Variants in TRRAP observed in about 807,000 individuals in gnomAD.
TRRAP encodes the protein transformation/transcription domain-associated protein.
TRRAP carries 41 observed loss-of-function variants against 438.8 expected under a neutral mutation model. The observed-to-expected ratio is 0.09, with a 90% CI of 0.07 to 0.12. TRRAP has a LOEUF of 0.12. Ranked by LOEUF, TRRAP falls within the 10% of genes least tolerant of loss-of-function variation. The pLI, the probability that TRRAP is intolerant of heterozygous loss-of-function variation, is 1.00. For missense variants in TRRAP, 3,122 were observed against 5,055.1 expected (o/e 0.62, Z 11.60); for synonymous variants, 1,994 against 1,962.9 (o/e 1.02, Z -0.42).
In TRRAP at chr7:98,930,734, G is replaced by A. The variant is rs782174650; in HGVS notation, c.3495G>A (p.Lys1165=). Residue 1165 remains lysine, a synonymous_variant, in exon 25 of 73, where the codon AAG becomes AAA. Coordinates refer to ENST00000456197, the MANE Select transcript of TRRAP (RefSeq NM_001375524.1). ...YAKLGGVVSI[K]FLMERLPLTW... ...AGCTGGGGGGTGTGGTGTCTATTAA[G>A]TTTCTCATGGAGCGGCTGCCTCTCA... is the stretch of plus-strand genomic sequence containing the variant. 2 of 1,614,230 alleles carry A rather than the reference G, an allele frequency of 1.2e-6. No individual in the cohort carries two copies. Among genetic ancestry groups the A allele is most frequent in the Non-Finnish European group, 1.7e-6 (2 of 1,180,050 alleles).
At position 98,930,003 on chromosome 7, in the gene TRRAP, C is replaced by T. The variant is rs781853860; in HGVS notation, c.3190C>T (p.Pro1064Ser). Reference protein sequence around the residue: ...VAQQCGPFLLPCYQVGSQPST... With the variant: ...VAQQCGPFLLSCYQVGSQPST... ...TCTCCTTTTAGGCCCTTTCTTGCTG[C>T]CTTGCTACCAGGTGGGCAGCCAGCC... Residue 1064 changes from proline to serine, a missense_variant, in exon 24 of 73, where the codon CCT (proline) becomes TCT (serine). Transcript: ENST00000456197. 1.2e-6 allele frequency: 2 copies of T among 1,614,148 alleles called. No homozygotes were observed. Among genetic ancestry groups the T allele is most frequent in the Admixed American group, 1.7e-5 (1 of 60,006 alleles).
chr7:98,880,262 GTTTTTT>G (rs201053093), intron 1 of TRRAP, among the ~76,000 whole-genome samples: 2 of 132,114 alleles, frequency 1.5e-5, no homozygotes, highest in South Asian at 2.5e-4. Context: ...TGTTGTTGTT[GTTTTTT>G]TTTTTTTTTT....
At chr7:98,904,718 G>A (rs1371459019) in intron 12 of TRRAP, among the ~76,000 whole-genome samples, 1 of 152,026 alleles carries the variant, frequency 6.6e-6, no homozygotes, top group Admixed American at 6.6e-5. Flanking sequence ...TTACTAGTTG[G>A]CTTGATTTTG....
chr7:98,912,294 A>G (rs562862633), intron 18 of TRRAP, 81 bp downstream of exon 18: 1 of 1,479,378 alleles, frequency 6.8e-7, no homozygotes, highest in South Asian at 1.4e-5. Context: ...GGTGGTGTCC[A>G]GGCTGGTCAG....
chr7:98,977,073 G>C lies in TRRAP; in HGVS notation c.8382G>C (p.Glu2794Asp), dbSNP rs1307870423. 6.2e-7 allele frequency: 1 copy of C among 1,614,200 alleles called. No individual in the cohort carries two copies. Among genetic ancestry groups the C allele is most frequent in the East Asian group, 2.2e-5 (1 of 44,882 alleles). The change falls in exon 56 of 73, where the codon GAG becomes GAC. Residue 2794 changes from glutamate (E) to aspartate (D), a missense_variant. Coordinates refer to ENST00000456197, the MANE Select transcript of TRRAP (RefSeq NM_001375524.1). ...CTTACGAGCAGCACGGGTTCTTTGA[G>C]CAGGTAAACCTCAGACCACTGACGG... is the stretch of plus-strand genomic sequence containing the variant. Reference protein sequence around the residue: ...AIAYEQHGFFEQAQESYEKAM... With the variant: ...AIAYEQHGFFDQAQESYEKAM...
rs1795690649 is a variant in TRRAP, at chr7:98,886,293, A to G, written c.151-4042A>G. 2.0e-5 allele frequency among the ~76,000 whole-genome samples: 3 copies of G among 151,938 alleles called. No individual in the cohort carries two copies. In the South Asian group the frequency reaches 6.2e-4, roughly 32 times the overall value. On this transcript the variant is annotated intron_variant, in intron 3 of 72. Transcript: ENST00000456197. The stretch of plus-strand genomic sequence containing the variant: ...CAACAATATATCTATATCTATATCT[A>G]TCTATCATAGATATAGATATCTATA...
At position 99,008,579 on chromosome 7, in the gene TRRAP, C is replaced by A; in HGVS notation, c.10938+18C>A. 3 of 1,610,986 alleles carry A rather than the reference C, an allele frequency of 1.9e-6. No individual in the cohort carries two copies. Among genetic ancestry groups the A allele is most frequent in the Non-Finnish European group, 1.7e-6 (2 of 1,178,940 alleles). On this transcript the variant is annotated intron_variant, in intron 70 of 72. Transcript: ENST00000456197. ...GCCACCAGGTAGCAGTGGGGCCGGG[C>A]CGGGGGCCGAGCTGCCGCCTGCAGC...
At chr7:98,947,542 G>A (rs1487341822) in intron 33 of TRRAP, among the ~76,000 whole-genome samples, 3 of 151,236 alleles carry the variant, frequency 2.0e-5, no homozygotes, top group African/African-American at 4.9e-5. Context: ...TGTAACCTCC[G>A]CCTCCTGGGT....
intron 60 of TRRAP, 144 bp downstream of exon 60, chr7:98,983,603 C>T (rs867482428): frequency 1.1e-5 from 10 of 871,606 alleles, no homozygotes; most frequent in South Asian, 1.7e-5. Context: ...AATGACAGGT[C>T]GGGGTGGTAA....
intron 51 of TRRAP, 152 bp from the exon 52 acceptor site, chr7:98,969,960 C>A: frequency 1.2e-6 from 1 of 847,516 alleles, no homozygotes; most frequent in Non-Finnish European, 1.8e-6. Flanking sequence ...GGAAGCCCGT[C>A]TGGTTGGGGA....
intron 69 of TRRAP, 73 bp from the exon 70 acceptor site, chr7:99,008,304 A>G: frequency 6.7e-7 from 1 of 1,490,534 alleles, no homozygotes; most frequent in East Asian, 2.3e-5. Context: ...TCCCAGTGGC[A>G]CTCTGACGGT....
intron 67 of TRRAP, among the ~76,000 whole-genome samples, chr7:98,997,329 A>G (rs771847782): frequency 2.6e-5 from 4 of 151,924 alleles, no homozygotes; most frequent in Non-Finnish European, 4.4e-5. Flanking sequence ...CTCAAGCTGC[A>G]GTTCAGTTTT....
In TRRAP at chr7:99,011,485, A is replaced by T; in HGVS notation, c.11287A>T (p.Thr3763Ser). The change falls in exon 72 of 73, where the codon ACA becomes TCA. Residue 3763 changes from threonine (T) to serine (S), a missense_variant. Around this residue, in one of 24 missense-constraint regions of TRRAP, gnomAD observed 192 missense variants for 355.6 expected, o/e 0.54. Coordinates refer to ENST00000456197, the MANE Select transcript of TRRAP (RefSeq NM_001375524.1). The surrounding 1 kb of genome is among the most constrained non-coding windows in gnomAD (Gnocchi z 7.1). The stretch of plus-strand genomic sequence containing the variant: ...CACCATCGGGGTCTCCGGCCCGTTG[A>T]CAGCGTCCATGATTGCGGTCGCCCG... Reference protein sequence around the residue: ...LTTIGVSGPLTASMIAVARCF... With the variant: ...LTTIGVSGPLSASMIAVARCF... 6.2e-7 allele frequency: 1 copy of T among 1,614,240 alleles called. No individual in the cohort carries two copies. The highest frequency in any genetic ancestry group is 2.2e-5 in the East Asian group (1 of 44,880).
chr7:98,918,683 G>T (rs1218031518), intron 20 of TRRAP, among the ~76,000 whole-genome samples: 2 of 152,146 alleles, frequency 1.3e-5, no homozygotes, highest in African/African-American at 4.8e-5. Flanking sequence ...ATAGGTGTTT[G>T]CTCCACCCTA....
rs566747825 is a variant in TRRAP, at chr7:98,964,875, T to G, written c.6976+100T>G. The G allele has an allele frequency of 1.7e-5, 23 of 1,383,202 alleles. No homozygotes were observed. The African/African-American group carries it at 3.2e-4, about 19-fold the overall frequency. 85.7% of individuals were successfully genotyped at this position (1,383,202 alleles called of 1,614,324 possible). The stretch of plus-strand genomic sequence containing the variant: ...GCTGAACTCTAAAGGGAATGTGCAT[T>G]CACCAAGTCCTGTTGTTTGGTCGTA... On this transcript the variant is annotated intron_variant, in intron 48 of 72. Transcript: ENST00000456197.
rs572523087 is a variant in TRRAP at position 99,005,703 on chromosome 7, G to A, written c.10753+355G>A. ...TTTTTCTTTTTTTTTTTCTTTTTTA[G>A]CTCATCACCTGTCGTGTCAGTGTAT... On this transcript the variant is annotated intron_variant, in intron 69 of 72. Transcript: ENST00000456197. The surrounding 1 kb of genome is among the most constrained non-coding windows in gnomAD (Gnocchi z 5.1). Among the ~76,000 whole-genome samples, 151 of 150,792 alleles carry A rather than the reference G, an allele frequency of 1.0e-3. No individual in the cohort carries two copies. Among genetic ancestry groups the A allele is most frequent in the Non-Finnish European group, 1.9e-3 (127 of 67,764 alleles).
At position 98,994,513 on chromosome 7, in the gene TRRAP, A is replaced by C; in HGVS notation, c.10048-74A>C. 1 of 1,595,296 alleles carries C rather than the reference A, an allele frequency of 6.3e-7. No homozygotes were observed. The highest frequency in any genetic ancestry group is 8.5e-7 in the Non-Finnish European group (1 of 1,170,536). ...ACCCTGGGCTGGGAGGGCCGCACTC[A>C]ATAGGCGCTTTTGGCTGCTGGTTCT... is the stretch of plus-strand genomic sequence containing the variant. On this transcript the variant is annotated intron_variant, in intron 66 of 72. Transcript: ENST00000456197. This position sits in a 1 kb window ranked among gnomAD's most constrained non-coding sequence, Gnocchi z 4.8.
rs782486962 is a variant in TRRAP, at chr7:98,903,456, A to G, written c.975A>G (p.Ala325=). The stretch of plus-strand genomic sequence containing the variant: ...TTTCAAATTGTCCAGCAGAGACTGC[A>G]CACCTCAGAAAGGAGCTTCTGATTG... ...QLLSNCPAET[A]HLRKELLIAA... is the part of the protein sequence containing the mutation. The change falls in exon 12 of 73, where the codon GCA becomes GCG. Residue 325 remains alanine, a synonymous_variant. Transcript: ENST00000456197. The G allele has an allele frequency of 7.4e-6, 12 of 1,614,130 alleles. No homozygotes were observed. The highest frequency in any genetic ancestry group is 1.7e-5 in the Admixed American group (1 of 60,016).
At position 98,949,566 on chromosome 7, in the gene TRRAP, G is replaced by C; in HGVS notation, c.4938G>C (p.Gln1646His). ...CCAGCACCATGCGCCTGGACCTCCA[G>C]TTCCAGGCCATCAAGGTAGCGCCCC... is the stretch of plus-strand genomic sequence containing the variant. ...PSTSTMRLDL[Q>H]FQAIKIISII... is the part of the protein sequence containing the mutation. Residue 1646 changes from glutamine to histidine, a missense_variant, in exon 36 of 73, where the codon CAG (glutamine) becomes CAC (histidine). Coordinates refer to ENST00000456197, the MANE Select transcript of TRRAP (RefSeq NM_001375524.1). 6.3e-7 allele frequency: 1 copy of C among 1,585,808 alleles called. No individual in the cohort carries two copies. Among genetic ancestry groups the C allele is most frequent in the East Asian group, 2.2e-5 (1 of 44,578 alleles).
Sources: allele counts gnomAD v4.1 joint callset (sites outside exome capture counted in the v4.1 genomes callset), GRCh38; gene constraint gnomAD v4.1.1; regional missense constraint gnomAD v4.1.1; non-coding constraint Gnocchi (gnomAD v3.1); transcripts MANE v1.5; gene names NCBI Gene and HGNC (gene_info 2026-07-23, HGNC 2026-07-21).